The following DCDC2C variants were observed in gnomAD, a reference collection of about 807,000 sequenced individuals.
DCDC2C encodes the protein doublecortin domain containing 2C.
A neutral mutation model predicts 45.0 loss-of-function variants in DCDC2C; 44 were observed. That is an observed-to-expected ratio of 0.98 (90% CI 0.77 to 1.26). The LOEUF (loss-of-function observed/expected upper bound fraction) is 1.26, where lower values mean the gene tolerates loss of function less well. Among genes scored for constraint, DCDC2C ranks in the 50% most tolerant of loss-of-function variants. DCDC2C has a pLI of 0.00. For missense variants in DCDC2C, 447 were observed against 468.9 expected (o/e 0.95, Z 0.43); for synonymous variants, 187 against 178.8 (o/e 1.05, Z -0.37).
chr2:3,751,357 A>G (rs1669536030), intron 4 of DCDC2C, among the ~76,000 whole-genome samples: 1 of 152,264 alleles, frequency 6.6e-6, no homozygotes, highest in African/African-American at 2.4e-5. Context: ...GGAGGAGAAC[A>G]GAATTCCAAG....
At chr2:3,732,792 T>C (rs1049025672) in intron 3 of DCDC2C, among the ~76,000 whole-genome samples, 15 of 152,096 alleles carry the variant, frequency 9.9e-5, no homozygotes, top group African/African-American at 3.6e-4. Flanking sequence ...CTGAGGAGGA[T>C]GGGGTGAGGA....
At chr2:3,725,483 A>AGGAGGCTGCCAGGTGGATCCCGGAGGG (rs1668628114) in intron 2 of DCDC2C, among the ~76,000 whole-genome samples, 1 of 24,434 alleles carries the variant, frequency 4.1e-5, no homozygotes, top group Non-Finnish European at 1.0e-4. Flanking sequence ...ATCCCAGAGG[A>AGGAGGCTGCCAGGTGGATCCCGGAGGG]AGACGAGCAG....
At chr2:3,723,959 CTCTGTGTGTT>C (rs200302532) in intron 2 of DCDC2C, among the ~76,000 whole-genome samples, 3,291 of 152,136 alleles carry the variant, frequency 0.022, 116 homozygotes, top group African/African-American at 0.073. Flanking sequence ...TTCTCTGTCT[CTCTGTGTGTT>C]TCTGTGTGTT....
At chr2:3,753,595 A>G (rs540689222) in intron 5 of DCDC2C, among the ~76,000 whole-genome samples, 1 of 152,338 alleles carries the variant, frequency 6.6e-6, no homozygotes, top group African/African-American at 2.4e-5. Context: ...AGCAAAGAAA[A>G]AGAGCTGCCA....
chr2:3,787,560 A>G (rs758877868), intron 10 of DCDC2C, among the ~76,000 whole-genome samples: 11 of 152,252 alleles, frequency 7.2e-5, no homozygotes, highest in African/African-American at 1.2e-4. Context: ...ACAATGCCTT[A>G]CTTACAGTCG....
At chr2:3,745,518 C>G (rs1313136182) in intron 4 of DCDC2C, among the ~76,000 whole-genome samples, 3 of 151,946 alleles carry the variant, frequency 2.0e-5, no homozygotes, top group Non-Finnish European at 4.4e-5. Context: ...AAATACTGAG[C>G]TTGAAGGAGT....
chr2:3,813,064 T>C (rs1383459370), intron 10 of DCDC2C, among the ~76,000 whole-genome samples: 1 of 33,386 alleles, frequency 3.0e-5, no homozygotes, highest in East Asian at 8.8e-4. Context: ...TATATATATA[T>C]ATATTTTTTT....
intron 3 of DCDC2C, among the ~76,000 whole-genome samples, chr2:3,732,566 A>G (rs900835896): frequency 6.6e-6 from 1 of 152,184 alleles, no homozygotes; most frequent in African/African-American, 2.4e-5. Flanking sequence ...CATTTCCAAA[A>G]TACCAGATCT....
chr2:3,840,805 C>T (rs569996167), intron 10 of DCDC2C, among the ~76,000 whole-genome samples: 15 of 152,276 alleles, frequency 9.9e-5, no homozygotes, highest in Non-Finnish European at 1.5e-4. Flanking sequence ...GGGCACGGTG[C>T]GGGTGGCCGC....
At position 3,712,496 on chromosome 2, in the gene DCDC2C, A is replaced by G. The variant is rs541336782; in HGVS notation, c.339+3896A>G. ...GCAAGACCCTATCTCTACAAAAAAAAAAAAAAAAAATTATCCAGGCATGGT... is the reference window on the plus strand; with the variant it reads ...GCAAGACCCTATCTCTACAAAAAAAGAAAAAAAAAATTATCCAGGCATGGT... On this transcript the variant is annotated intron_variant, in intron 2 of 10. Coordinates refer to ENST00000399143, the MANE Select transcript of DCDC2C (RefSeq NM_001287444.2). 1.2e-3 allele frequency among the ~76,000 whole-genome samples: 172 copies of G among 145,952 alleles called. 2 individuals carry two copies. Among genetic ancestry groups the G allele is most frequent in the African/African-American group, 4.7e-3 (169 of 35,648 alleles).
At chr2:3,827,925 A>T (rs1312743787) in intron 10 of DCDC2C, among the ~76,000 whole-genome samples, 1 of 152,108 alleles carries the variant, frequency 6.6e-6, no homozygotes, top group Non-Finnish European at 1.5e-5. Context: ...TTGTTACTTG[A>T]TTTTTAACTG....
intron 4 of DCDC2C, among the ~76,000 whole-genome samples, chr2:3,751,531 G>A (rs1490185588): frequency 6.6e-6 from 1 of 152,194 alleles, no homozygotes; most frequent in Non-Finnish European, 1.5e-5. Flanking sequence ...TGTCAGCCAG[G>A]AGCTTGTTAG....
At chr2:3,717,016 A>C (rs937082107) in intron 2 of DCDC2C, among the ~76,000 whole-genome samples, 3 of 152,102 alleles carry the variant, frequency 2.0e-5, no homozygotes, top group African/African-American at 7.2e-5. Context: ...TCAGGAAAGA[A>C]AATTGTTTCT....
chr2:3,778,750 C>T, intron 8 of DCDC2C, 66 bp from the exon 9 acceptor site: 2 of 1,471,402 alleles, frequency 1.4e-6, no homozygotes, highest in African/African-American at 1.4e-5. Context: ...ATTTCACGTG[C>T]TCTCTGATTT....
At chr2:3,814,987 G>T (rs1277176993) in intron 10 of DCDC2C, among the ~76,000 whole-genome samples, 1 of 152,270 alleles carries the variant, frequency 6.6e-6, no homozygotes, top group Non-Finnish European at 1.5e-5. Flanking sequence ...GAGTCCCAGT[G>T]CTGGCTGCTG....
intron 10 of DCDC2C, among the ~76,000 whole-genome samples, chr2:3,830,050 G>A (rs570948414): frequency 2.6e-5 from 4 of 152,360 alleles, no homozygotes; most frequent in African/African-American, 7.2e-5. Flanking sequence ...GCCCTGGGCT[G>A]TAGATAAGGA....
At chr2:3,778,702 C>A in intron 8 of DCDC2C, 114 bp from the exon 9 acceptor site, 1 of 929,220 alleles carries the variant, frequency 1.1e-6, no homozygotes, top group Non-Finnish European at 1.6e-6. Context: ...AGTGACTTCC[C>A]CAGCTCTACC....
In DCDC2C at chr2:3,729,525, A is replaced by G. The variant is rs200839113; in HGVS notation, c.416+2446A>G. ...TGGGAGCAAGTGGGGCCTCAGGAGA[A>G]TCAGAGAAGTGGAAAAGTACAAAGA... On this transcript the variant is annotated intron_variant, in intron 3 of 10. Coordinates refer to ENST00000399143, the MANE Select transcript of DCDC2C (RefSeq NM_001287444.2). 8.5e-5 allele frequency among the ~76,000 whole-genome samples: 13 copies of G among 152,336 alleles called. No individual in the cohort carries two copies. In the East Asian group the frequency reaches 2.5e-3, roughly 29 times the overall value.
intron 10 of DCDC2C, among the ~76,000 whole-genome samples, chr2:3,813,402 T>C (rs1426652690): frequency 6.6e-6 from 1 of 152,122 alleles, no homozygotes; most frequent in Non-Finnish European, 1.5e-5. Flanking sequence ...GGGTAGAGTG[T>C]TCTGTAGACA....
Sources: gnomAD v4.1 joint callset for allele counts (sites outside exome capture counted in the v4.1 genomes callset) on GRCh38, gnomAD v4.1.1 for gene constraint, MANE v1.5 for transcripts, NCBI Gene and HGNC (gene_info 2026-07-23, HGNC 2026-07-21) for gene names.